INVS: variants seen among roughly 807,000 people sequenced by gnomAD.
The protein encoded by INVS is inversin.
INVS carries 86 observed loss-of-function variants against 108.8 expected under a neutral mutation model. That is an observed-to-expected ratio of 0.79 (90% CI 0.66 to 0.95). The LOEUF is 0.95. Among genes scored for constraint, INVS ranks in the 40% least tolerant of loss-of-function variants. The pLI is 0.00. For synonymous variants in INVS, 455 were observed against 473.5 expected, an observed-to-expected ratio of 0.96 and a Z score of 0.51; for missense variants, 1,169 against 1,297.4, an observed-to-expected ratio of 0.90 and a Z score of 1.52.
At chr9:100,133,131 A>G (rs1257430612) in intron 3 of INVS, among the ~76,000 whole-genome samples, 1 of 152,154 alleles carries the variant, frequency 6.6e-6, no homozygotes, top group African/African-American at 2.4e-5. Flanking sequence ...ACAAAAAACA[A>G]TGGAGAACTG....
intron 12 of INVS, among the ~76,000 whole-genome samples, chr9:100,274,453 G>T (rs1373528576): frequency 6.6e-6 from 1 of 152,204 alleles, no homozygotes; most frequent in East Asian, 1.9e-4. Context: ...TAGCAGCAGT[G>T]CATCACATTA....
At chr9:100,112,618 C>T (rs930533728) in intron 2 of INVS, among the ~76,000 whole-genome samples, 1 of 150,220 alleles carries the variant, frequency 6.7e-6, no homozygotes, top group Non-Finnish European at 1.5e-5. Flanking sequence ...GAAGAATTGT[C>T]TTGGGCTACA....
chr9:100,269,073 C>T (rs978054106), intron 11 of INVS, among the ~76,000 whole-genome samples: 1 of 152,084 alleles, frequency 6.6e-6, no homozygotes, highest in Admixed American at 6.5e-5. Flanking sequence ...ATTTAAGAAA[C>T]AGTTTTATTC....
At chr9:100,200,399 T>C (rs759765245) in intron 3 of INVS, among the ~76,000 whole-genome samples, 14 of 152,220 alleles carry the variant, frequency 9.2e-5, no homozygotes, top group Non-Finnish European at 1.9e-4. Context: ...TTGTAGGGAC[T>C]CTTGATTCTG....
At chr9:100,263,342 T>C (rs1446230466) in intron 10 of INVS, among the ~76,000 whole-genome samples, 1 of 152,206 alleles carries the variant, frequency 6.6e-6, no homozygotes, top group African/African-American at 2.4e-5. Context: ...CCTTACTGGG[T>C]TAAAAATCAA....
chr9:100,107,632 A>G (rs1053132504), intron 2 of INVS, among the ~76,000 whole-genome samples: 1 of 152,138 alleles, frequency 6.6e-6, no homozygotes, highest in African/African-American at 2.4e-5. Flanking sequence ...TGAGATTTCA[A>G]TTTTAAGGTC....
chr9:100,181,379 C>G (rs1408588074), intron 3 of INVS, among the ~76,000 whole-genome samples: 2 of 152,160 alleles, frequency 1.3e-5, no homozygotes, highest in Non-Finnish European at 2.9e-5. Flanking sequence ...CCCATCATCT[C>G]AACCCAAAAT....
rs550289642 is a variant in INVS, at chr9:100,191,560, T to C, written c.274-34502T>C. On this transcript the variant is annotated intron_variant, in intron 3 of 16. Transcript: ENST00000262457. ...GGTTTTTCTTTAAAATATCCATCTC[T>C]AGAAAATTTATCACTCATATCCTGA... is the stretch of plus-strand genomic sequence containing the variant. Among the ~76,000 whole-genome samples, 18 of 152,334 alleles carry C rather than the reference T, an allele frequency of 1.2e-4. No homozygotes were observed. In the South Asian group the frequency reaches 3.3e-3, roughly 28 times the overall value.
At chr9:100,146,012 G>C (rs1031682241) in intron 3 of INVS, among the ~76,000 whole-genome samples, 1 of 152,296 alleles carries the variant, frequency 6.6e-6, no homozygotes, top group Admixed American at 6.5e-5. Context: ...TGGGTCTGAG[G>C]ACCCGAGGTC....
chr9:100,176,725 C>T (rs1829723939), intron 3 of INVS, among the ~76,000 whole-genome samples: 2 of 152,134 alleles, frequency 1.3e-5, no homozygotes, highest in African/African-American at 4.8e-5. Flanking sequence ...ATCCGCCCGC[C>T]TCAGCCTCCC....
intron 3 of INVS, among the ~76,000 whole-genome samples, chr9:100,137,524 C>T (rs537493461): frequency 1.3e-5 from 2 of 151,318 alleles, no homozygotes; most frequent in South Asian, 4.1e-4. Context: ...TTTATAAGAT[C>T]TATATTCGAG....
chr9:100,212,068 C>A (rs929967979), intron 3 of INVS, among the ~76,000 whole-genome samples: 1 of 152,130 alleles, frequency 6.6e-6, no homozygotes, highest in African/African-American at 2.4e-5. Context: ...TTCTGTAGCT[C>A]AGTGAATTTA....
intron 2 of INVS, among the ~76,000 whole-genome samples, chr9:100,105,989 A>G (rs1466898964): frequency 2.0e-5 from 3 of 149,144 alleles, no homozygotes. Flanking sequence ...ATGATTACCC[A>G]CTTCAAATAG....
intron 10 of INVS, among the ~76,000 whole-genome samples, chr9:100,258,326 A>G (rs1463604931): frequency 1.3e-5 from 2 of 152,122 alleles, no homozygotes; most frequent in East Asian, 1.9e-4. Flanking sequence ...CAAAGTTTTT[A>G]TCTTCTTTGC....
rs147744972 is a variant in INVS, at chr9:100,133,764, TACACACAC to T, written c.273+7249_273+7256del. Among the ~76,000 whole-genome samples, 1,089 of 123,910 alleles carry T rather than the reference TACACACAC, an allele frequency of 8.8e-3. 5 individuals are homozygous for T. The highest frequency in any genetic ancestry group is 0.011 in the Non-Finnish European group (655 of 58,726). 81.3% of individuals were successfully genotyped at this position (123,910 alleles called of 152,430 possible). On this transcript the variant is annotated intron_variant, in intron 3 of 16. Transcript: ENST00000262457. ...ACTATCTGACTATATCTGCCAAAGCTACACACACACACACACACACACACACACACACA... is the reference window on the plus strand; with the variant it reads ...ACTATCTGACTATATCTGCCAAAGCTACACACACACACACACACACACACA...
rs1488457652 is a variant in INVS, at chr9:100,105,840, G to A, written c.106+1213G>A. Among the ~76,000 whole-genome samples, 5 of 133,484 alleles carry A rather than the reference G, an allele frequency of 3.7e-5. No individual in the cohort carries two copies. The South Asian group carries it at 7.8e-4, about 21-fold the overall frequency. The allele number at this position is 133,484 out of a possible 152,430, so 87.6% of individuals were successfully genotyped here. On this transcript the variant is annotated intron_variant, in intron 2 of 16. Coordinates refer to ENST00000262457, the MANE Select transcript of INVS (RefSeq NM_014425.5). ...GTCTGTTATTAAAATCCTTCTCTTG[G>A]AAAAATTCCCTTTTTTTTTTTTTTT...
rs1443735475 is a variant in INVS, at chr9:100,301,719, TTCAGA to T, written c.*1050_*1054del. 1.3e-5 allele frequency among the ~76,000 whole-genome samples: 2 copies of T among 152,182 alleles called. No homozygotes were observed. The highest frequency in any genetic ancestry group is 4.8e-5 in the African/African-American group (2 of 41,440). On this transcript the variant is annotated 3_prime_UTR_variant, in exon 17 of 17. Coordinates refer to ENST00000262457, the MANE Select transcript of INVS (RefSeq NM_014425.5). ...TATTTTGGGGGTTGCTTTCATTTTCTTCAGATCAGTGCCACTTCTGTGCTAACGGT... is the reference window on the plus strand; with the variant it reads ...TATTTTGGGGGTTGCTTTCATTTTCTTCAGTGCCACTTCTGTGCTAACGGT...
chr9:100,252,221 A>G, intron 8 of INVS, 62 bp from the exon 9 acceptor site: 2 of 1,486,210 alleles, frequency 1.3e-6, no homozygotes, highest in Non-Finnish European at 1.9e-6. Flanking sequence ...AAAGACATAT[A>G]ATAATTTAAA....
chr9:100,114,752 G>A (rs1266073472), intron 2 of INVS, among the ~76,000 whole-genome samples: 1 of 152,166 alleles, frequency 6.6e-6, no homozygotes, highest in Non-Finnish European at 1.5e-5. Flanking sequence ...AATTTTCCAT[G>A]TTGTTGAGTG....
Sources: allele counts gnomAD v4.1 joint callset (sites outside exome capture counted in the v4.1 genomes callset), GRCh38; gene constraint gnomAD v4.1.1; transcripts MANE v1.5; gene names NCBI Gene and HGNC (gene_info 2026-07-23, HGNC 2026-07-21).